FGGY: variants seen among roughly 807,000 people sequenced by gnomAD.
FGGY encodes FGGY carbohydrate kinase domain containing, also known as FGGY carbohydrate kinase domain-containing protein.
A neutral mutation model predicts 71.3 loss-of-function variants in FGGY; 72 were observed. The ratio of observed to expected loss-of-function variants is 1.01; its 90% confidence interval spans 0.84 to 1.23. The LOEUF is 1.23. Among genes scored for constraint, FGGY ranks in the 50% most tolerant of loss-of-function variants. The pLI is 0.00. For synonymous variants in FGGY, 251 were observed against 250.3 expected, an observed-to-expected ratio of 1.00 and a Z score of -0.02; for missense variants, 668 against 682.3, an observed-to-expected ratio of 0.98 and a Z score of 0.23.
At chr1:59,749,423 C>T (rs12406728) in intron 14 of FGGY, among the ~76,000 whole-genome samples, 15,581 of 151,984 alleles carry the variant, frequency 0.1, 894 homozygotes, top group Admixed American at 0.19. Flanking sequence ...TAACTGGGGT[C>T]AGTGTCAGAA....
chr1:59,757,417 G>T (rs1029556846), intron 14 of FGGY, among the ~76,000 whole-genome samples: 1 of 152,204 alleles, frequency 6.6e-6, no homozygotes, highest in East Asian at 1.9e-4. Context: ...GTCTCAGTAT[G>T]TACTCACAAC....
At chr1:59,702,104 A>G (rs1159776543) in intron 14 of FGGY, among the ~76,000 whole-genome samples, 1 of 152,112 alleles carries the variant, frequency 6.6e-6, no homozygotes, top group East Asian at 1.9e-4. Context: ...AAACTGCCAT[A>G]TTAAAACCAT....
intron 8 of FGGY, among the ~76,000 whole-genome samples, chr1:59,599,371 G>T (rs945989926): frequency 1.3e-5 from 2 of 152,024 alleles, no homozygotes; most frequent in Non-Finnish European, 2.9e-5. Context: ...CTCCCAAAGT[G>T]CTGGGTTATG....
At chr1:59,355,286 C>T (rs2054096432) in intron 4 of FGGY, among the ~76,000 whole-genome samples, 1 of 151,786 alleles carries the variant, frequency 6.6e-6, no homozygotes, top group Admixed American at 6.6e-5. Flanking sequence ...TTGTTACATA[C>T]TGTAATGTTA....
intron 14 of FGGY, among the ~76,000 whole-genome samples, chr1:59,747,133 A>C (rs1241419987): frequency 6.6e-6 from 1 of 152,184 alleles, no homozygotes; most frequent in African/African-American, 2.4e-5. Flanking sequence ...TCCAGTCAAC[A>C]ATAGATTATT....
At chr1:59,646,628 C>T (rs2097097156) in intron 11 of FGGY, among the ~76,000 whole-genome samples, 2 of 151,702 alleles carry the variant, frequency 1.3e-5, no homozygotes, top group South Asian at 4.1e-4. Flanking sequence ...TTAATAGGTA[C>T]CATTTTTCAG....
At chr1:59,316,116 A>C (rs1463501720) in intron 1 of FGGY, 1 of 152,232 alleles carries the variant, frequency 6.6e-6, no homozygotes, top group Admixed American at 6.5e-5. Flanking sequence ...AGCTTAACTC[A>C]TTGTTCATCT....
intron 1 of FGGY, among the ~76,000 whole-genome samples, chr1:59,313,355 T>C (rs188737959): frequency 2.0e-5 from 3 of 152,286 alleles, no homozygotes; most frequent in African/African-American, 7.2e-5. Context: ...TTAGAGATAA[T>C]GTATTTTTCA....
At chr1:59,326,809 T>C (rs1378237498) in intron 2 of FGGY, among the ~76,000 whole-genome samples, 7 of 152,176 alleles carry the variant, frequency 4.6e-5, no homozygotes, top group African/African-American at 1.2e-4. Context: ...GGCATAATGA[T>C]AAATTCAGTT....
At chr1:59,542,617 C>T (rs1313361320) in intron 7 of FGGY, among the ~76,000 whole-genome samples, 2 of 151,572 alleles carry the variant, frequency 1.3e-5, no homozygotes, top group Admixed American at 6.6e-5. Context: ...CCACCACGCC[C>T]GGCTAATTTT....
At chr1:59,326,893 G>C (rs765005587) in intron 2 of FGGY, among the ~76,000 whole-genome samples, 1 of 152,130 alleles carries the variant, frequency 6.6e-6, no homozygotes, top group Non-Finnish European at 1.5e-5. Context: ...GCATATGAAA[G>C]TTATGTTTAC....
At chr1:59,690,174 TCCAACATATTATAGTATGGTGGG>T (rs2097578037) in intron 14 of FGGY, among the ~76,000 whole-genome samples, 1 of 152,284 alleles carries the variant, frequency 6.6e-6, no homozygotes, top group South Asian at 2.1e-4. Context: ...TTAGTGAGGT[TCCAACATATTATAGTATGGTGGG>T]GTGCTGGGAC....
intron 7 of FGGY, among the ~76,000 whole-genome samples, chr1:59,550,459 T>C (rs1442639657): frequency 6.6e-6 from 1 of 152,170 alleles, no homozygotes; most frequent in East Asian, 1.9e-4. Flanking sequence ...GCTGCTGAAT[T>C]GGGGTGGACA....
At chr1:59,381,218 G>A (rs2059392827) in intron 5 of FGGY, among the ~76,000 whole-genome samples, 2 of 152,182 alleles carry the variant, frequency 1.3e-5, no homozygotes, top group South Asian at 4.1e-4. Context: ...TTTGAAGTCA[G>A]GTAACGTGAT....
At position 59,657,958 on chromosome 1, in the gene FGGY, A is replaced by G. The variant is rs146493687; in HGVS notation, c.1222-2261A>G. Among the ~76,000 whole-genome samples the G allele has an allele frequency of 1.1e-4, 16 of 152,270 alleles. No individual in the cohort carries two copies. The East Asian group carries it at 2.9e-3, about 28-fold the overall frequency. On this transcript the variant is annotated intron_variant, in intron 11 of 15. Coordinates refer to ENST00000303721, the MANE Select transcript of FGGY (RefSeq NM_018291.5). ...GGAGCTGAGGCAGTAAACTTTGTCC[A>G]CCTGTACTTGTAGAATTTAACAAAG...
intron 3 of FGGY, among the ~76,000 whole-genome samples, chr1:59,344,914 A>G (rs1557617509): frequency 6.6e-6 from 1 of 152,216 alleles, no homozygotes; most frequent in Non-Finnish European, 1.5e-5. Flanking sequence ...GTTTTAAAGT[A>G]TCTCAGCTGG....
chr1:59,409,925 G>A (rs1329368539), intron 5 of FGGY, among the ~76,000 whole-genome samples: 1 of 152,108 alleles, frequency 6.6e-6, no homozygotes, highest in Non-Finnish European at 1.5e-5. Flanking sequence ...CTCCATTTTA[G>A]ACAGGAAATC....
chr1:59,607,490 A>T (rs1315642430), intron 8 of FGGY, among the ~76,000 whole-genome samples: 1 of 152,230 alleles, frequency 6.6e-6, no homozygotes, highest in African/African-American at 2.4e-5. Flanking sequence ...CATTGCAAAG[A>T]GTGTTGACAC....
chr1:59,350,787 T>C (rs1235613328), intron 4 of FGGY, among the ~76,000 whole-genome samples: 1 of 152,216 alleles, frequency 6.6e-6, no homozygotes, highest in African/African-American at 2.4e-5. Context: ...TTTGCATTGC[T>C]CTGTTAGATA....
Sources: allele counts gnomAD v4.1 joint callset (sites outside exome capture counted in the v4.1 genomes callset), GRCh38; gene constraint gnomAD v4.1.1; transcripts MANE v1.5; gene names NCBI Gene and HGNC (gene_info 2026-07-23, HGNC 2026-07-21).